Variants in QSOX2 observed in about 807,000 individuals in gnomAD.
QSOX2 encodes the protein quiescin sulfhydryl oxidase 2, also known as sulfhydryl oxidase 2.
Under a neutral mutation model 61.7 loss-of-function variants are expected in QSOX2, and 46 were observed. The ratio of observed to expected loss-of-function variants is 0.75; its 90% CI spans 0.59 to 0.95. QSOX2 has a LOEUF of 0.95. QSOX2 is among the 40% of genes least tolerant of loss of function. The pLI, the probability that QSOX2 is intolerant of heterozygous loss-of-function variation, is 0.00. For missense variants in QSOX2, 879 were observed against 918.9 expected, an observed-to-expected ratio of 0.96 and a Z score of 0.56; for synonymous variants, 383 against 388.4, an observed-to-expected ratio of 0.99 and a Z score of 0.16.
chr9:136,215,242 C>T lies in QSOX2; in HGVS notation c.1272G>A (p.Glu424=). 6.2e-7 allele frequency: 1 copy of T among 1,614,100 alleles called. No homozygotes were observed. Among genetic ancestry groups the T allele is most frequent in the African/African-American group, 1.3e-5 (1 of 75,056 alleles). Residue 424 remains glutamate, a synonymous_variant, in exon 10 of 12, where the codon GAG becomes GAA. Transcript: ENST00000358701. ...KWVGCQGSRS[E]LRGYPCSLWK... is the part of the protein sequence containing the mutation. Reference sequence around the variant, plus strand: ...AGAGAGAACACGGGTAACCCCTCAACTCAGATCGGCTTCCTTGACATCCAA... The same window carrying T: ...AGAGAGAACACGGGTAACCCCTCAATTCAGATCGGCTTCCTTGACATCCAA...
intron 7 of QSOX2, 37 bp from the exon 8 acceptor site, chr9:136,218,845 C>G: frequency 6.2e-7 from 1 of 1,603,728 alleles, no homozygotes; most frequent in East Asian, 2.2e-5. Context: ...GAATGCCCAA[C>G]CTTTCCCTCC....
chr9:136,233,886 AG>A (rs558259654), intron 1 of QSOX2, among the ~76,000 whole-genome samples: 1 of 152,376 alleles, frequency 6.6e-6, no homozygotes, highest in Admixed American at 6.5e-5. Context: ...AAACAGTGGA[AG>A]GAAGACTGGG....
Position 136,209,610 on chromosome 9 carries a change from A to G in QSOX2, c.1550-335T>C. 1.0e-6 allele frequency: 1 copy of G among 985,300 alleles called. No homozygotes were observed. Among genetic ancestry groups the G allele is most frequent in the Non-Finnish European group, 1.2e-6 (1 of 829,878 alleles). The allele number at this position is 985,300 out of a possible 1,614,324, so 61.0% of individuals were successfully genotyped here. ...ACTCCACTTCCAAAACGGAGCATGC[A>G]GCTCTCACCTGGAGGCCTTTCTCCG... On this transcript the variant is annotated intron_variant, in intron 11 of 11. Transcript: ENST00000358701. The surrounding 1 kb of genome is among the most constrained non-coding windows in gnomAD (Gnocchi z 5.6).
rs1016651166 is a variant in QSOX2, at chr9:136,209,370, C to T, written c.1550-95G>A. 40 of 1,539,570 alleles carry T rather than the reference C, an allele frequency of 2.6e-5. No homozygotes were observed. Among genetic ancestry groups the T allele is most frequent in the Middle Eastern group, 2.1e-4 (1 of 4,812 alleles). On this transcript the variant is annotated intron_variant, in intron 11 of 11. Coordinates refer to ENST00000358701, the MANE Select transcript of QSOX2 (RefSeq NM_181701.4). The surrounding 1 kb of genome is among the most constrained non-coding windows in gnomAD (Gnocchi z 5.6). ...ACCGGACTCCCACTCCCACCCACCACGGGCCTCCACTGCCCTGGCCCAGGG... is the reference window on the plus strand; with the variant it reads ...ACCGGACTCCCACTCCCACCCACCATGGGCCTCCACTGCCCTGGCCCAGGG...
At chr9:136,218,631 T>C (rs372770375) in intron 8 of QSOX2, 48 bp downstream of exon 8, 2 of 1,594,396 alleles carry the variant, frequency 1.3e-6, no homozygotes, top group South Asian at 1.1e-5. Flanking sequence ...GCCCACTCTG[T>C]GCAGAGCCAA....
intron 9 of QSOX2, among the ~76,000 whole-genome samples, chr9:136,216,100 T>G (rs781335164): frequency 7.9e-5 from 12 of 152,212 alleles, no homozygotes; most frequent in Non-Finnish European, 1.6e-4. Flanking sequence ...ACGCTGGGTT[T>G]ACTGCCCGCG....
intron 10 of QSOX2, among the ~76,000 whole-genome samples, chr9:136,212,203 C>G (rs1831854849): frequency 6.6e-6 from 1 of 152,234 alleles, no homozygotes; most frequent in African/African-American, 2.4e-5. Context: ...AGCACCGCAA[C>G]CAAGGGGAAC....
intron 1 of QSOX2, among the ~76,000 whole-genome samples, chr9:136,229,866 T>C (rs1001058591): frequency 6.6e-6 from 1 of 152,198 alleles, no homozygotes; most frequent in African/African-American, 2.4e-5. Flanking sequence ...TATCTTCCCG[T>C]AGATCTTGGT....
rs1831821003 is a variant in QSOX2 at position 136,209,558 on chromosome 9, G to A, written c.1550-283C>T. 1.0e-6 allele frequency: 1 copy of A among 985,244 alleles called. No individual in the cohort carries two copies. The highest frequency in any genetic ancestry group is 1.2e-6 in the Non-Finnish European group (1 of 829,910). 61.0% of individuals were successfully genotyped at this position (985,244 alleles called of 1,614,324 possible). Reference sequence around the variant, plus strand: ...CACGCTCGGCCTCCGCCACTTCCCAGACCACACCTGTCCCAAACCACCCAG... The same window carrying A: ...CACGCTCGGCCTCCGCCACTTCCCAAACCACACCTGTCCCAAACCACCCAG... On this transcript the variant is annotated intron_variant, in intron 11 of 11. Transcript: ENST00000358701. The surrounding 1 kb of genome is among the most constrained non-coding windows in gnomAD (Gnocchi z 5.6).
At chr9:136,217,160 C>T (rs1050790594) in intron 8 of QSOX2, among the ~76,000 whole-genome samples, 3 of 152,264 alleles carry the variant, frequency 2.0e-5, no homozygotes, top group Non-Finnish European at 2.9e-5. Flanking sequence ...ATGAAGGGCG[C>T]GCGGCAGTGC....
At chr9:136,213,038 T>C (rs1831866867) in intron 10 of QSOX2, among the ~76,000 whole-genome samples, 1 of 151,996 alleles carries the variant, frequency 6.6e-6, no homozygotes, top group South Asian at 2.1e-4. Context: ...TAAAATCAAA[T>C]ACCCCGGTCA....
At chr9:136,212,018 C>T (rs1040488889) in intron 10 of QSOX2, among the ~76,000 whole-genome samples, 4 of 152,220 alleles carry the variant, frequency 2.6e-5, no homozygotes, top group Admixed American at 6.5e-5. Flanking sequence ...CAGCCACGGG[C>T]GTGAGGATGT....
intron 1 of QSOX2, among the ~76,000 whole-genome samples, chr9:136,228,978 ACTCTGTACAAATATGAAGG>A (rs1199609235): frequency 5.9e-5 from 9 of 152,186 alleles, no homozygotes; most frequent in African/African-American, 2.2e-4. Context: ...ATATCACCAG[ACTCTGTACAAATATGAAGG>A]CTTGTGTGTG....
intron 11 of QSOX2, chr9:136,210,765 A>T: frequency 2.0e-6 from 2 of 985,298 alleles, no homozygotes; most frequent in Non-Finnish European, 2.4e-6. Context: ...CCTAATTTTA[A>T]TCTGCCACTG....
At chr9:136,218,196 C>T (rs1438100412) in intron 8 of QSOX2, among the ~76,000 whole-genome samples, 1 of 152,188 alleles carries the variant, frequency 6.6e-6, no homozygotes, top group Admixed American at 6.5e-5. Flanking sequence ...TGGTCTCAGA[C>T]ACCACATCTG....
At chr9:136,234,176 T>C (rs1830356776) in intron 1 of QSOX2, among the ~76,000 whole-genome samples, 1 of 152,238 alleles carries the variant, frequency 6.6e-6, no homozygotes, top group Non-Finnish European at 1.5e-5. Context: ...GAAGGCCTAC[T>C]TCTCTTTTGT....
intron 9 of QSOX2, among the ~76,000 whole-genome samples, chr9:136,215,943 C>G (rs539254548): frequency 6.6e-6 from 1 of 152,362 alleles, no homozygotes; most frequent in Admixed American, 6.5e-5. Context: ...GGAAGACAGA[C>G]TCAGGCAAGA....
At chr9:136,216,024 T>G (rs979322760) in intron 9 of QSOX2, among the ~76,000 whole-genome samples, 3 of 152,220 alleles carry the variant, frequency 2.0e-5, no homozygotes, top group Non-Finnish European at 4.4e-5. Flanking sequence ...GCACGACAAG[T>G]GCACCTTACA....
intron 10 of QSOX2, among the ~76,000 whole-genome samples, chr9:136,211,762 TTCCA>T (rs1036685564): frequency 6.6e-6 from 1 of 152,210 alleles, no homozygotes; most frequent in African/African-American, 2.4e-5. Flanking sequence ...AAAGGAGCCC[TTCCA>T]GGGGCGCCTC....
Sources: gnomAD v4.1 joint callset for allele counts (sites outside exome capture counted in the v4.1 genomes callset) on GRCh38, gnomAD v4.1.1 for gene constraint, Gnocchi (gnomAD v3.1) non-coding constraint, MANE v1.5 for transcripts, NCBI Gene and HGNC (gene_info 2026-07-23, HGNC 2026-07-21) for gene names.